Variants in ZFP57 observed in about 807,000 individuals in gnomAD.
ZFP57 encodes zinc finger protein 57 homolog.
In ZFP57, 12 loss-of-function variants were observed where a neutral mutation model predicts 15.8. The observed-to-expected ratio is 0.76, with a 90% CI of 0.49 to 1.23. The LOEUF (loss-of-function observed/expected upper bound fraction) is 1.23. Among genes scored for constraint, ZFP57 ranks in the 50% most tolerant of loss-of-function variants. The pLI, the probability that ZFP57 is intolerant of heterozygous loss-of-function variation, is 0.00. For synonymous variants in ZFP57, 203 were observed against 242.3 expected, an observed-to-expected ratio of 0.84 and a Z score of 1.51; for missense variants, 536 against 654.9, an observed-to-expected ratio of 0.82 and a Z score of 1.98.
Position 29,673,729 on chromosome 6 carries a change from G to A in ZFP57, c.382C>T (p.His128Tyr). 2 of 1,613,090 alleles carry A rather than the reference G, an allele frequency of 1.2e-6. No homozygotes were observed. Among genetic ancestry groups the A allele is most frequent in the African/African-American group, 1.3e-5 (1 of 75,066 alleles). Residue 128 changes from histidine (H) to tyrosine (Y), a missense_variant, in exon 5 of 5, where the codon CAT (histidine) becomes TAT (tyrosine). Coordinates refer to ENST00000376883, the MANE Select transcript of ZFP57 (RefSeq NM_001109809.5). The surrounding 1 kb of genome is among the most constrained non-coding windows in gnomAD (Gnocchi z 4.7). ...GTCCCCTCATCTCTCAGACTGGGATGTTGTTCTCGAAGCTCTTTCTTCTTG... is the reference window on the plus strand; with the variant it reads ...GTCCCCTCATCTCTCAGACTGGGATATTGTTCTCGAAGCTCTTTCTTCTTG... ...EGKKKELREQHPSLRDEGTSD... is the reference protein window; with the variant it reads ...EGKKKELREQYPSLRDEGTSD...
In ZFP57 at chr6:29,673,316, C is replaced by A. The variant is rs1771832740; in HGVS notation, c.795G>T (p.Gly265=). 2 of 1,613,056 alleles carry A rather than the reference C, an allele frequency of 1.2e-6. No homozygotes were observed. The highest frequency in any genetic ancestry group is 1.7e-6 in the Non-Finnish European group (2 of 1,180,034). The stretch of plus-strand genomic sequence containing the variant: ...GCTCAGACTGGTCCCGGAAGCTCTT[C>A]CCACACACAGAGCATGAATGGGGCC... ...GYRPHSCSVC[G]KSFRDQSELK... is the part of the protein sequence containing the mutation. The change falls in exon 5 of 5, where the codon GGG becomes GGT. Residue 265 remains glycine (G), a synonymous_variant. Coordinates refer to ENST00000376883, the MANE Select transcript of ZFP57 (RefSeq NM_001109809.5). The surrounding 1 kb of genome is among the most constrained non-coding windows in gnomAD (Gnocchi z 4.7).
chr6:29,675,857 T>G, intron 3 of ZFP57, 76 bp downstream of exon 3: 1 of 1,586,616 alleles, frequency 6.3e-7, no homozygotes, highest in East Asian at 2.2e-5. Flanking sequence ...TGTAAGCTGA[T>G]CTACCTGTCC....
intron 1 of ZFP57, among the ~76,000 whole-genome samples, chr6:29,680,301 A>G (rs1002483806): frequency 3.9e-5 from 6 of 152,092 alleles, no homozygotes; most frequent in Non-Finnish European, 5.9e-5. Context: ...CAGTCCTTTG[A>G]GTGCACCCAG....
At position 29,673,195 on chromosome 6, in the gene ZFP57, T is replaced by C; in HGVS notation, c.916A>G (p.Thr306Ala). ...RIPGTQAEFQ[T>A]PIARSQRSIQ... Reference sequence around the variant, plus strand: ...GACCTCTGGCTTCTGGCGATGGGTGTCTGGAATTCAGCCTGGGTGCCTGGA... The same window carrying C: ...GACCTCTGGCTTCTGGCGATGGGTGCCTGGAATTCAGCCTGGGTGCCTGGA... Residue 306 changes from threonine (T) to alanine (A), a missense_variant, in exon 5 of 5, where the codon ACA becomes GCA. Coordinates refer to ENST00000376883, the MANE Select transcript of ZFP57 (RefSeq NM_001109809.5). The surrounding 1 kb of genome is among the most constrained non-coding windows in gnomAD (Gnocchi z 4.7). 1 of 1,612,964 alleles carries C rather than the reference T, an allele frequency of 6.2e-7. No homozygotes were observed. The highest frequency in any genetic ancestry group is 1.6e-4 in the Middle Eastern group (1 of 6,062).
In ZFP57 at chr6:29,672,790, G is replaced by A. The variant is rs564988086; in HGVS notation, c.1321C>T (p.Leu441Phe). The A allele has an allele frequency of 1.9e-6, 3 of 1,613,070 alleles. No homozygotes were observed. The highest frequency in any genetic ancestry group is 1.1e-5 in the South Asian group (1 of 91,082). ...QQTHWKQKSY[L>F]CPICDLSFGE... ...AAGGAGAGGTCACAGATAGGGCAAA[G>A]GTAGCTCTTCTGCTTCCAGTGGGTC... Residue 441 changes from leucine to phenylalanine, a missense_variant, in exon 5 of 5, where the codon CTT becomes TTT. By Grantham distance (22) the Leu-to-Phe change is conservative (BLOSUM62 0). Coordinates refer to ENST00000376883, the MANE Select transcript of ZFP57 (RefSeq NM_001109809.5).
chr6:29,672,677 G>A lies in ZFP57; in HGVS notation c.1434C>T (p.Ile478=). Residue 478 remains isoleucine, a synonymous_variant, in exon 5 of 5, where the codon ATC becomes ATT. Transcript: ENST00000376883. ...GAGAGAAGCCAAGCCACTGGCCCAG[G>A]ATCACCCGGCATTTATGGTGGCTGC... ...CQSSHHKCRV[I]LGQWLGFSHD... 4 of 1,612,136 alleles carry A rather than the reference G, an allele frequency of 2.5e-6. No individual in the cohort carries two copies. The highest frequency in any genetic ancestry group is 3.4e-6 in the Non-Finnish European group (4 of 1,179,308).
intron 1 of ZFP57, among the ~76,000 whole-genome samples, chr6:29,679,088 G>A (rs9257953): frequency 0.046 from 6,987 of 152,250 alleles, 207 homozygotes; most frequent in East Asian, 0.12. Context: ...GTGGATAAGG[G>A]GAACCACTGT....
intron 1 of ZFP57, among the ~76,000 whole-genome samples, chr6:29,679,024 C>T (rs1045176582): frequency 4.7e-5 from 7 of 147,440 alleles, no homozygotes; most frequent in Non-Finnish European, 9.1e-5. Flanking sequence ...GAGATTCTGC[C>T]TCAAACAACA....
In ZFP57 at chr6:29,673,091, C is replaced by T; in HGVS notation, c.1020G>A (p.Met340Ile). The T allele has an allele frequency of 1.2e-6, 2 of 1,612,954 alleles. No individual in the cohort carries two copies. Among genetic ancestry groups the T allele is most frequent in the Non-Finnish European group, 1.7e-6 (2 of 1,180,008 alleles). The stretch of plus-strand genomic sequence containing the variant: ...TAAGTACAGATGCCTGGTTCTGGGC[C>T]ATAGGACCCTCAGTTCTAAATATGG... ...QEPIFRTEGP[M>I]AQNQASVLKN... Residue 340 changes from methionine (M) to isoleucine (I), a missense_variant, in exon 5 of 5, where the codon ATG (methionine) becomes ATA (isoleucine). Transcript: ENST00000376883. The surrounding 1 kb of genome is among the most constrained non-coding windows in gnomAD (Gnocchi z 4.7).
chr6:29,676,900 C>T lies in ZFP57; in HGVS notation c.104G>A (p.Arg35Lys). Residue 35 changes from arginine to lysine, a missense_variant, in exon 2 of 5, where the codon AGG becomes AAG. Coordinates refer to ENST00000376883, the MANE Select transcript of ZFP57 (RefSeq NM_001109809.5). ...LQEAMKRDCW[R>K]EARVKKKPVT... The stretch of plus-strand genomic sequence containing the variant: ...CCTCACCTTCTTCACCCGTGCCTCC[C>T]TCCAGCAATCTCTCTTCATGGCTTC... 6.2e-7 allele frequency: 1 copy of T among 1,614,224 alleles called. No homozygotes were observed. The highest frequency in any genetic ancestry group is 2.2e-5 in the East Asian group (1 of 44,892).
At chr6:29,675,339 G>T (rs544597113) in intron 4 of ZFP57, 47 bp downstream of exon 4, 2 of 1,364,864 alleles carry the variant, frequency 1.5e-6, no homozygotes, top group East Asian at 2.3e-5. Flanking sequence ...CCTTTCAGGG[G>T]TTATCCTGGG....
intron 1 of ZFP57, among the ~76,000 whole-genome samples, chr6:29,679,490 T>C (rs1280601734): frequency 6.6e-6 from 1 of 152,206 alleles, no homozygotes; most frequent in Non-Finnish European, 1.5e-5. Flanking sequence ...CTTTCTTTCC[T>C]CTCTCTCCCT....
rs762440334 is a variant in ZFP57, at chr6:29,672,580, G to C, written c.1531C>G (p.Pro511Ala). ...GDQSPPRIHT[P>A]RRRGLREKAC... is the part of the protein sequence containing the mutation. ...TTCTCTCTTAGGCCTCTTCTCCTGG[G>C]GGTATGGATCCTGGGGGGAGATTGA... is the stretch of plus-strand genomic sequence containing the variant. Residue 511 changes from proline (P) to alanine (A), a missense_variant, in exon 5 of 5, where the codon CCC becomes GCC. Physicochemically the swap from Pro to Ala is conservative, Grantham distance 27. Transcript: ENST00000376883. The C allele has an allele frequency of 1.9e-6, 3 of 1,612,672 alleles. No homozygotes were observed. The highest frequency in any genetic ancestry group is 3.3e-5 in the Admixed American group (2 of 59,986).
chr6:29,677,111 GGA>G lies in ZFP57; in HGVS notation c.-110_-109del. On this transcript the variant is annotated 5_prime_UTR_variant, in exon 2 of 5. Transcript: ENST00000376883. Reference sequence around the variant, plus strand: ...TCTACCTCCCAGTAACTGGGCAGATGGAGAGGCCCAGCAAAGGCCCCAGGGTT... The same window carrying G: ...TCTACCTCCCAGTAACTGGGCAGATGGAGGCCCAGCAAAGGCCCCAGGGTT... The G allele has an allele frequency of 6.5e-7, 1 of 1,537,028 alleles. No individual in the cohort carries two copies. The highest frequency in any genetic ancestry group is 9.0e-7 in the Non-Finnish European group (1 of 1,116,766).
chr6:29,679,886 AAAACAAAC>A (rs758437381), intron 1 of ZFP57, among the ~76,000 whole-genome samples: 8 of 149,030 alleles, frequency 5.4e-5, no homozygotes, highest in Non-Finnish European at 1.0e-4. Flanking sequence ...CTCCGTCTCA[AAAACAAAC>A]AAACAAACAA....
chr6:29,673,941 A>G lies in ZFP57; in HGVS notation c.353-183T>C, dbSNP rs1396627602. Reference sequence around the variant, plus strand: ...AAACCCTGTCTCTACTACAAATACAAAAATTAGCTGGGCGTCATGGCATCT... The same window carrying G: ...AAACCCTGTCTCTACTACAAATACAGAAATTAGCTGGGCGTCATGGCATCT... On this transcript the variant is annotated intron_variant, in intron 4 of 4. Coordinates refer to ENST00000376883, the MANE Select transcript of ZFP57 (RefSeq NM_001109809.5). The surrounding 1 kb of genome is among the most constrained non-coding windows in gnomAD (Gnocchi z 4.7). 1.3e-5 allele frequency among the ~76,000 whole-genome samples: 2 copies of G among 152,058 alleles called. No individual in the cohort carries two copies. Among genetic ancestry groups the G allele is most frequent in the African/African-American group, 4.8e-5 (2 of 41,400 alleles).
rs374760825 is a variant in ZFP57, at chr6:29,673,724, G to A, written c.387C>T (p.Pro129=). 4 of 1,612,966 alleles carry A rather than the reference G, an allele frequency of 2.5e-6. No individual in the cohort carries two copies. The highest frequency in any genetic ancestry group is 1.7e-5 in the Admixed American group (1 of 60,004). The stretch of plus-strand genomic sequence containing the variant: ...CACTAGTCCCCTCATCTCTCAGACT[G>A]GGATGTTGTTCTCGAAGCTCTTTCT... The part of the protein sequence containing the change: ...GKKKELREQH[P]SLRDEGTSDD... Residue 129 remains proline, a synonymous_variant, in exon 5 of 5, where the codon CCC becomes CCT. Coordinates refer to ENST00000376883, the MANE Select transcript of ZFP57 (RefSeq NM_001109809.5). The surrounding 1 kb of genome is among the most constrained non-coding windows in gnomAD (Gnocchi z 4.7).
At chr6:29,676,605 G>A (rs1257781004) in intron 2 of ZFP57, among the ~76,000 whole-genome samples, 2 of 151,922 alleles carry the variant, frequency 1.3e-5, no homozygotes, top group African/African-American at 2.4e-5. Flanking sequence ...ATAAGATGTG[G>A]GGGAGAGGAA....
intron 1 of ZFP57, among the ~76,000 whole-genome samples, chr6:29,680,174 C>A (rs1362883563): frequency 6.6e-6 from 1 of 152,160 alleles, no homozygotes; most frequent in African/African-American, 2.4e-5. Context: ...CTGGGCATAA[C>A]TCATCAGACT....
Sources: allele counts gnomAD v4.1 joint callset (sites outside exome capture counted in the v4.1 genomes callset), GRCh38; gene constraint gnomAD v4.1.1; non-coding constraint Gnocchi (gnomAD v3.1); transcripts MANE v1.5; gene names NCBI Gene and HGNC (gene_info 2026-07-23, HGNC 2026-07-21).